The following SECTM1 variants were observed in gnomAD, a reference collection of about 807,000 sequenced individuals.
SECTM1 encodes secreted and transmembrane protein 1.
Under a neutral mutation model 18.1 loss-of-function variants are expected in SECTM1, and 10 were observed. The observed-to-expected ratio is 0.55, with a 90% CI of 0.34 to 0.94. SECTM1 has a LOEUF of 0.94. Among genes scored for constraint, SECTM1 ranks in the 40% least tolerant of loss-of-function variants. The probability of loss-of-function intolerance (pLI) is 0.02; values close to 1 mark genes in which losing one functional copy is unlikely to be tolerated. For synonymous variants in SECTM1, 137 were observed against 139.2 expected (o/e 0.98, Z 0.11); for missense variants, 297 against 322.6 (o/e 0.92, Z 0.61).
At chr17:82,332,954 C>A (rs1355866680) in intron 1 of SECTM1, among the ~76,000 whole-genome samples, 1 of 152,248 alleles carries the variant, frequency 6.6e-6, no homozygotes, top group African/African-American at 2.4e-5. Flanking sequence ...AGAAAACGTG[C>A]TTCTCAAGCT....
At position 82,329,056 on chromosome 17, in the gene SECTM1, CG is replaced by C. The variant is rs1555605351; in HGVS notation, c.-52-1765del. 6.6e-6 allele frequency among the ~76,000 whole-genome samples: 1 copy of C among 152,202 alleles called. No homozygotes were observed. The highest frequency in any genetic ancestry group is 1.5e-5 in the Non-Finnish European group (1 of 68,026). On this transcript the variant is annotated intron_variant, in intron 1 of 4. Coordinates refer to ENST00000269389, the MANE Select transcript of SECTM1 (RefSeq NM_003004.3). The surrounding 1 kb of genome is among the most constrained non-coding windows in gnomAD (Gnocchi z 7.6). ...CACCAGAAAGTGTCACAGCAGGACA[CG>C]TCACCAACCCCGGGGACCCCATGTT... is the stretch of plus-strand genomic sequence containing the variant.
rs1167207311 is a variant in SECTM1, at chr17:82,325,953, T to A, written c.95-1063A>T. On this transcript the variant is annotated intron_variant, in intron 2 of 4. Coordinates refer to ENST00000269389, the MANE Select transcript of SECTM1 (RefSeq NM_003004.3). The surrounding 1 kb of genome is among the most constrained non-coding windows in gnomAD (Gnocchi z 7.6). Reference sequence around the variant, plus strand: ...CAAGTGCCAGGGGCCTTGGTGCCCATGGGAGGAGGTGGGCTTCAGGGGCAC... The same window carrying A: ...CAAGTGCCAGGGGCCTTGGTGCCCAAGGGAGGAGGTGGGCTTCAGGGGCAC... 1.3e-5 allele frequency among the ~76,000 whole-genome samples: 2 copies of A among 152,104 alleles called. No individual in the cohort carries two copies. The highest frequency in any genetic ancestry group is 2.9e-5 in the Non-Finnish European group (2 of 68,000).
intron 2 of SECTM1, 134 bp downstream of exon 2, chr17:82,327,013 C>T (rs919340659): frequency 1.5e-6 from 1 of 685,982 alleles, no homozygotes; most frequent in African/African-American, 1.8e-5. Flanking sequence ...TGGTCAGGCC[C>T]TGGGTCTGCA....
intron 1 of SECTM1, among the ~76,000 whole-genome samples, chr17:82,333,222 G>A (rs2052206095): frequency 6.6e-6 from 1 of 152,258 alleles, no homozygotes; most frequent in Admixed American, 6.5e-5. Context: ...TTTGCTCCCA[G>A]CTTGGTCGCA....
rs967753215 is a variant in SECTM1, at chr17:82,329,673, T to C, written c.-52-2381A>G. 2.0e-5 allele frequency among the ~76,000 whole-genome samples: 3 copies of C among 151,474 alleles called. No individual in the cohort carries two copies. The highest frequency in any genetic ancestry group is 4.4e-5 in the Non-Finnish European group (3 of 67,890). ...AGCTGGAAGTCCGACGGGGTCTCCC[T>C]GGGTTAAAATCAAGGGGTGGGTCAG... is the stretch of plus-strand genomic sequence containing the variant. On this transcript the variant is annotated intron_variant, in intron 1 of 4. Transcript: ENST00000269389. This position sits in a 1 kb window ranked among gnomAD's most constrained non-coding sequence, Gnocchi z 7.6.
In SECTM1 at chr17:82,330,910, C is replaced by G. The variant is rs1012345228; in HGVS notation, c.-53+2790G>C. 7.9e-5 allele frequency among the ~76,000 whole-genome samples: 12 copies of G among 152,160 alleles called. No homozygotes were observed. Among genetic ancestry groups the G allele is most frequent in the Admixed American group, 5.9e-4 (9 of 15,278 alleles). Reference sequence around the variant, plus strand: ...CCCTGGCGGCCTGGACTGCACCGTTCCGGAGATGCTGCCTCCCCACCAAGT... The same window carrying G: ...CCCTGGCGGCCTGGACTGCACCGTTGCGGAGATGCTGCCTCCCCACCAAGT... On this transcript the variant is annotated intron_variant, in intron 1 of 4. Coordinates refer to ENST00000269389, the MANE Select transcript of SECTM1 (RefSeq NM_003004.3). The surrounding 1 kb of genome is among the most constrained non-coding windows in gnomAD (Gnocchi z 6.1).
At position 82,325,305 on chromosome 17, in the gene SECTM1, GGCCA is replaced by G. The variant is rs954067782; in HGVS notation, c.95-419_95-416del. ...AATCACCCTCCTCGTGGGAAGCAGT[GGCCA>G]GGCCCCACCGCCCCCAGCTCCCTCC... On this transcript the variant is annotated intron_variant, in intron 2 of 4. Coordinates refer to ENST00000269389, the MANE Select transcript of SECTM1 (RefSeq NM_003004.3). This position sits in a 1 kb window ranked among gnomAD's most constrained non-coding sequence, Gnocchi z 7.6. 1.3e-5 allele frequency among the ~76,000 whole-genome samples: 2 copies of G among 152,176 alleles called. No individual in the cohort carries two copies. Among genetic ancestry groups the G allele is most frequent in the Admixed American group, 1.3e-4 (2 of 15,288 alleles).
chr17:82,332,478 AGTG>A (rs1242735235), intron 1 of SECTM1, among the ~76,000 whole-genome samples: 1 of 152,178 alleles, frequency 6.6e-6, no homozygotes, highest in East Asian at 1.9e-4. Flanking sequence ...CTGTGTGGTC[AGTG>A]GACTCTGTAC....
intron 1 of SECTM1, among the ~76,000 whole-genome samples, chr17:82,327,948 C>A (rs1467898226): frequency 2.5e-5 from 3 of 118,796 alleles, no homozygotes; most frequent in Non-Finnish European, 5.3e-5. Flanking sequence ...GTCCACCAGC[C>A]CCCCCACCCT....
chr17:82,322,415 G>T, intron 4 of SECTM1, 45 bp from the exon 5 acceptor site: 1 of 1,575,796 alleles, frequency 6.3e-7, no homozygotes. Flanking sequence ...GCGCGCCCCC[G>T]TGCCCACAGC....
Position 82,327,310 on chromosome 17 carries a change from CAT to C in SECTM1, c.-52-20_-52-19del. ...AACACTCCCTGGAGGAAGGAAAGCC[CAT>C]GGGTCAGAGCCCCCTGCAGCTGCTG... On this transcript the variant is annotated intron_variant, in intron 1 of 4. Coordinates refer to ENST00000269389, the MANE Select transcript of SECTM1 (RefSeq NM_003004.3). 7.1e-7 allele frequency: 1 copy of C among 1,405,878 alleles called. No homozygotes were observed. Among genetic ancestry groups the C allele is most frequent in the South Asian group, 1.2e-5 (1 of 80,738 alleles). The allele number at this position is 1,405,878 out of a possible 1,614,324, so 87.1% of individuals were successfully genotyped here.
Position 82,322,931 on chromosome 17 carries a change from C to T in SECTM1, c.484G>A (p.Ala162Thr), listed in dbSNP as rs372685037. 5.1e-5 allele frequency: 82 copies of T among 1,613,794 alleles called. No individual in the cohort carries two copies. The Admixed American group carries it at 1.0e-3, about 20-fold the overall frequency. The change falls in exon 4 of 5, where the codon GCT becomes ACT. Residue 162 changes from alanine (A) to threonine (T), a missense_variant. Ala to Thr is a moderately conservative substitution (Grantham distance 58). Coordinates refer to ENST00000269389, the MANE Select transcript of SECTM1 (RefSeq NM_003004.3). ...CTGTACCAGGCGAACATGACCAGAG[C>T]GACCAAGAGGATGAAGACAGCAGTG... ...VVTAVFILLV[A>T]LVMFAWYRCR...
intron 1 of SECTM1, among the ~76,000 whole-genome samples, chr17:82,332,460 G>C (rs1487413215): frequency 6.6e-6 from 1 of 152,174 alleles, no homozygotes; most frequent in African/African-American, 2.4e-5. Context: ...GGGTTCATTG[G>C]GGTCCTCCTG....
intron 1 of SECTM1, among the ~76,000 whole-genome samples, chr17:82,333,489 C>T (rs2052209286): frequency 6.6e-6 from 1 of 151,998 alleles, no homozygotes; most frequent in Non-Finnish European, 1.5e-5. Context: ...GTGACGGTCC[C>T]AGAGGCAGAG....
At position 82,321,333 on chromosome 17, in the gene SECTM1, G is replaced by A. The variant is rs959059167; in HGVS notation, c.*828C>T. 4 of 152,244 alleles carry A rather than the reference G, an allele frequency of 2.6e-5. No homozygotes were observed. Among genetic ancestry groups the A allele is most frequent in the Admixed American group, 6.5e-5 (1 of 15,284 alleles). The allele number at this position is 152,244 out of a possible 1,614,324, so 9.4% of individuals were successfully genotyped here. A position where few individuals can be genotyped will look rare whatever the true frequency, so the allele number is the denominator to read the frequency against. On this transcript the variant is annotated 3_prime_UTR_variant, in exon 5 of 5. Coordinates refer to ENST00000269389, the MANE Select transcript of SECTM1 (RefSeq NM_003004.3). Reference sequence around the variant, plus strand: ...GAGTCGGTTTGTTTTCTTCATTTCAGATATTCGAGTCATGGAACTTTTTCA... The same window carrying A: ...GAGTCGGTTTGTTTTCTTCATTTCAAATATTCGAGTCATGGAACTTTTTCA...
At chr17:82,331,036 C>T (rs537127055) in intron 1 of SECTM1, among the ~76,000 whole-genome samples, 2 of 152,308 alleles carry the variant, frequency 1.3e-5, no homozygotes, top group South Asian at 4.1e-4. Context: ...TCACCAGCTC[C>T]CCACTGAGTG....
chr17:82,324,517 G>GCCCCCCC lies in SECTM1; in HGVS notation c.403+64_403+65insGGGGGGG. ...CAGTCTCAGCCCTCCCCCTGCCCAG[G>GCCCCCCC]CCCCCTCCCCTCCCCGTGTCCCCTC... On this transcript the variant is annotated intron_variant, in intron 3 of 4. Transcript: ENST00000269389. The GCCCCCCC allele has an allele frequency of 1.2e-5, 7 of 604,114 alleles. No individual in the cohort carries two copies. The South Asian group carries it at 1.2e-4, about 10-fold the overall frequency. The allele number at this position is 604,114 out of a possible 1,614,324, so 37.4% of individuals were successfully genotyped here. A position where few individuals can be genotyped will look rare whatever the true frequency, so the allele number is the denominator to read the frequency against.
chr17:82,332,465 C>G (rs1309660513), intron 1 of SECTM1, among the ~76,000 whole-genome samples: 1 of 152,210 alleles, frequency 6.6e-6, no homozygotes, highest in Non-Finnish European at 1.5e-5. Context: ...CATTGGGGTC[C>G]TCCTGTGTGG....
At chr17:82,323,412 G>A (rs542197772) in intron 3 of SECTM1, 534 of 190,516 alleles carry the variant, frequency 2.8e-3, no homozygotes, top group African/African-American at 0.012. Context: ...GCCCAGGAAG[G>A]GCTCACCAGA....
Sources: gnomAD v4.1 joint callset for allele counts (sites outside exome capture counted in the v4.1 genomes callset) on GRCh38, gnomAD v4.1.1 for gene constraint, Gnocchi (gnomAD v3.1) non-coding constraint, MANE v1.5 for transcripts, NCBI Gene and HGNC (gene_info 2026-07-23, HGNC 2026-07-21) for gene names.